Variants in EVL observed in about 807,000 individuals in gnomAD.
EVL encodes the protein ena/VASP-like protein.
In EVL, 21 loss-of-function variants were observed where a neutral mutation model predicts 59.6. The ratio of observed to expected loss-of-function variants is 0.35; its 90% confidence interval spans 0.25 to 0.51. The LOEUF (loss-of-function observed/expected upper bound fraction) is 0.51, where lower values mean the gene tolerates loss of function less well. Among genes scored for constraint, EVL ranks in the 20% least tolerant of loss-of-function variants. The pLI is 0.97. For synonymous variants in EVL, 198 were observed against 203.5 expected (o/e 0.97, Z 0.23); for missense variants, 462 against 546.6 (o/e 0.85, Z 1.54).
intron 12 of EVL, 51 bp downstream of exon 12, chr14:100,141,297 C>G (rs532640846): frequency 6.3e-7 from 1 of 1,596,572 alleles, no homozygotes; most frequent in African/African-American, 1.3e-5. Context: ...AGCCAGCAGG[C>G]GGGGGACCGT....
chr14:100,030,249 G>A (rs1237834495), intron 1 of EVL, among the ~76,000 whole-genome samples: 4 of 151,610 alleles, frequency 2.6e-5, no homozygotes, highest in African/African-American at 9.7e-5. Context: ...GTGCCACCAC[G>A]CCCGGCTATT....
At chr14:100,129,024 G>A (rs961368681) in intron 6 of EVL, among the ~76,000 whole-genome samples, 5 of 152,166 alleles carry the variant, frequency 3.3e-5, no homozygotes, top group Admixed American at 1.3e-4. Flanking sequence ...CAAAGAGCAC[G>A]AGTAATTTGC....
rs189443064 is a variant in EVL, at chr14:100,050,389, G to A, written c.6-34298G>A. Among the ~76,000 whole-genome samples the A allele has an allele frequency of 6.8e-3, 1,016 of 148,322 alleles. 8 individuals carry two copies. Among genetic ancestry groups the A allele is most frequent in the African/African-American group, 0.024 (960 of 40,202 alleles). ...TTTTTTTAGACAGTCTCACTCTGTC[G>A]CCCAGGCTGGAGTGCAGTGGCGCGA... On this transcript the variant is annotated intron_variant, in intron 1 of 13. Coordinates refer to the EVL transcript ENST00000402714.
intron 2 of EVL, among the ~76,000 whole-genome samples, chr14:100,091,475 C>T (rs2062563298): frequency 6.6e-6 from 1 of 152,146 alleles, no homozygotes; most frequent in African/African-American, 2.4e-5. Flanking sequence ...GTAAAGTCTC[C>T]ATAAAAGGAC....
In EVL at chr14:100,143,752, C is replaced by T; in HGVS notation, c.*14C>T. On this transcript the variant is annotated 3_prime_UTR_variant, in exon 14 of 14. Transcript: ENST00000392920. ...AGCACCACGTAAGGGGCCGGCCTCGCTGCGCTGATTCGTCGAGCCCATCCG... is the reference window on the plus strand; with the variant it reads ...AGCACCACGTAAGGGGCCGGCCTCGTTGCGCTGATTCGTCGAGCCCATCCG... 1 of 1,611,538 alleles carries T rather than the reference C, an allele frequency of 6.2e-7. No homozygotes were observed. Among genetic ancestry groups the T allele is most frequent in the Non-Finnish European group, 8.5e-7 (1 of 1,179,292 alleles).
rs78484130 is a variant in EVL, at chr14:99,990,589, A to G, written c.5+18532A>G. Among the ~76,000 whole-genome samples, 42 of 152,312 alleles carry G rather than the reference A, an allele frequency of 2.8e-4. 2 individuals are homozygous for G. In the East Asian group the frequency reaches 7.7e-3, roughly 28 times the overall value. On this transcript the variant is annotated intron_variant, in intron 1 of 13. Transcript: ENST00000402714. The stretch of plus-strand genomic sequence containing the variant: ...TTAAATACTTAAACTGAGTGAAATC[A>G]TATAGCATTTGTCCCTTTGTGACTG...
chr14:100,115,573 G>C (rs1887287445), intron 3 of EVL, among the ~76,000 whole-genome samples: 1 of 152,198 alleles, frequency 6.6e-6, no homozygotes, highest in Non-Finnish European at 1.5e-5. Flanking sequence ...AGGTCTTTCA[G>C]ACCCTGAGCG....
At position 100,130,259 on chromosome 14, in the gene EVL, T is replaced by G. The variant is rs1249517609; in HGVS notation, c.839+575T>G. ...GTGTGTCTGCTCGCTGCAGCGGGTG[T>G]GGCTGCAGCCTGCCATTGTGGCTCT... is the stretch of plus-strand genomic sequence containing the variant. On this transcript the variant is annotated intron_variant, in intron 7 of 13. Coordinates refer to ENST00000392920, the MANE Select transcript of EVL (RefSeq NM_016337.3). This position sits in a 1 kb window ranked among gnomAD's most constrained non-coding sequence, Gnocchi z 4.8. Among the ~76,000 whole-genome samples, 9 of 152,324 alleles carry G rather than the reference T, an allele frequency of 5.9e-5. No individual in the cohort carries two copies. Among genetic ancestry groups the G allele is most frequent in the Middle Eastern group, 6.8e-3 (2 of 294 alleles).
At chr14:100,005,644 C>CAT (rs1404941925) in intron 1 of EVL, among the ~76,000 whole-genome samples, 1 of 150,506 alleles carries the variant, frequency 6.6e-6, no homozygotes, top group Admixed American at 6.6e-5. Context: ...CACACACACA[C>CAT]ACACACACAC....
intron 1 of EVL, among the ~76,000 whole-genome samples, chr14:100,025,755 C>G (rs1019209147): frequency 6.6e-6 from 1 of 151,894 alleles, no homozygotes; most frequent in African/African-American, 2.4e-5. Context: ...TGGAGAAACC[C>G]CTACTAAAAT....
At chr14:100,139,646 T>A (rs1290242354) in intron 11 of EVL, 1 of 152,310 alleles carries the variant, frequency 6.6e-6, no homozygotes, top group Non-Finnish European at 1.5e-5. Context: ...GTGGCAACAC[T>A]CATTCTTCAT....
chr14:100,141,226 G>T lies in EVL; in HGVS notation c.1141G>T (p.Asp381Tyr). The change falls in exon 12 of 14, where the codon GAC becomes TAC. Residue 381 changes from aspartate to tyrosine, a missense_variant. Coordinates refer to ENST00000392920, the MANE Select transcript of EVL (RefSeq NM_016337.3). ...GAATGACATGGCCCTGGATGCCTTC[G>T]ACTTGGACCGGATGAAGCAGGTGAG... Reference protein sequence around the residue: ...SVNDMALDAFDLDRMKQEILE... With the variant: ...SVNDMALDAFYLDRMKQEILE... The T allele has an allele frequency of 6.2e-7, 1 of 1,613,872 alleles. No homozygotes were observed. The highest frequency in any genetic ancestry group is 1.7e-5 in the Admixed American group (1 of 60,026).
chr14:99,973,116 A>G (rs1022826812), intron 1 of EVL, among the ~76,000 whole-genome samples: 12 of 152,100 alleles, frequency 7.9e-5, no homozygotes, highest in Non-Finnish European at 1.6e-4. Context: ...ATTGTTGTGT[A>G]TCTCCTGGTG....
intron 1 of EVL, among the ~76,000 whole-genome samples, chr14:100,054,862 A>G (rs1436249666): frequency 6.6e-6 from 1 of 152,084 alleles, no homozygotes. Flanking sequence ...TTTATAAATT[A>G]ACACCCAGGC....
chr14:100,090,947 T>C (rs1354754739), intron 2 of EVL, among the ~76,000 whole-genome samples: 1 of 152,078 alleles, frequency 6.6e-6, no homozygotes, highest in Non-Finnish European at 1.5e-5. Flanking sequence ...GACTTAATAG[T>C]GTATGTGGAA....
At chr14:100,135,595 GA>G in intron 8 of EVL, 1 of 332,086 alleles carries the variant, frequency 3.0e-6, no homozygotes, top group South Asian at 3.3e-5. Context: ...TGACATACGG[GA>G]GGCATCCGGC....
chr14:100,123,577 C>T lies in EVL; in HGVS notation c.397C>T (p.Pro133Ser). The T allele has an allele frequency of 6.2e-7, 1 of 1,614,138 alleles. No individual in the cohort carries two copies. Among genetic ancestry groups the T allele is most frequent in the South Asian group, 1.1e-5 (1 of 91,064 alleles). The change falls in exon 4 of 14, where the codon CCT becomes TCT. Residue 133 changes from proline to serine, a missense_variant. Pro to Ser is a moderately conservative substitution (Grantham distance 74). Transcript: ENST00000392920. ...SQRQVQNGPS[P>S]DEMDIQRRQV... ...GCGTCAGGTGCAGAATGGCCCCTCT[C>T]CTGATGAGATGGACATCCAGAGAAG...
At chr14:100,026,250 A>C (rs2061210796) in intron 1 of EVL, among the ~76,000 whole-genome samples, 2 of 151,950 alleles carry the variant, frequency 1.3e-5, no homozygotes, top group Admixed American at 6.6e-5. Context: ...AAACAAAAAA[A>C]AAACACAACA....
intron 1 of EVL, among the ~76,000 whole-genome samples, chr14:99,989,210 C>T (rs1275649504): frequency 1.3e-5 from 2 of 152,092 alleles, no homozygotes; most frequent in East Asian, 1.9e-4. Context: ...AAAATAGAAA[C>T]CTGGAGGTGT....
Sources: gnomAD v4.1 joint callset for allele counts (sites outside exome capture counted in the v4.1 genomes callset) on GRCh38, gnomAD v4.1.1 for gene constraint, Gnocchi (gnomAD v3.1) non-coding constraint, MANE v1.5 for transcripts, NCBI Gene and HGNC (gene_info 2026-07-23, HGNC 2026-07-21) for gene names.